AGL: variants seen among roughly 807,000 people sequenced by gnomAD.
AGL encodes the protein amylo-alpha-1,6-glucosidase and 4-alpha-glucanotransferase.
AGL carries 128 observed loss-of-function variants against 199.3 expected under a neutral mutation model. The ratio of observed to expected loss-of-function variants is 0.64; its 90% CI spans 0.56 to 0.74. AGL has a LOEUF of 0.74. Among genes scored for constraint, AGL ranks in the 30% least tolerant of loss-of-function variants. The pLI is 0.00. For missense variants in AGL, 1,809 were observed against 1,820.8 expected, an observed-to-expected ratio of 0.99 and a Z score of 0.12; for synonymous variants, 584 against 594.7, an observed-to-expected ratio of 0.98 and a Z score of 0.26.
chr1:99,906,454 CATT>C lies in AGL; in HGVS notation c.3700+3661_3700+3663del, dbSNP rs979934985. ...AGTTCAGTAGTGTTAAGTATATTAA[CATT>C]GTTGTGGAACAGATCTCTAGAACTT... On this transcript the variant is annotated intron_variant, in intron 27 of 33. Transcript: ENST00000361915. Among the ~76,000 whole-genome samples the C allele has an allele frequency of 7.9e-5, 12 of 152,126 alleles. 1 individual carries two copies. The highest frequency in any genetic ancestry group is 6.5e-5 in the Admixed American group (1 of 15,276).
At chr1:99,874,515 A>G (rs907913376) in intron 7 of AGL, 172 bp from the exon 8 acceptor site, 8 of 640,168 alleles carry the variant, frequency 1.2e-5, no homozygotes, top group African/African-American at 1.8e-5. Flanking sequence ...ACGCACGTGC[A>G]CACACGTGCA....
chr1:99,897,235 C>T (rs1310678180), intron 25 of AGL, among the ~76,000 whole-genome samples: 5 of 152,292 alleles, frequency 3.3e-5, no homozygotes, highest in Non-Finnish European at 2.9e-5. Context: ...TCACCCTCAC[C>T]TGAGAGCTTG....
rs1368670677 is a variant in AGL, at chr1:99,884,224, G to A, written c.2413G>A (p.Glu805Lys). 4.3e-6 allele frequency: 7 copies of A among 1,613,330 alleles called. No individual in the cohort carries two copies. The East Asian group carries it at 1.3e-4, about 31-fold the overall frequency. The change falls in exon 18 of 34, where the codon GAA (glutamate) becomes AAA (lysine). Residue 805 changes from glutamate to lysine, a missense_variant. Glu to Lys is a moderately conservative substitution (Grantham distance 56, BLOSUM62 1). Transcript: ENST00000361915. ...CAATGGAACACCAGATATCACAGTA[G>A]AAATTAGAGAACATATTCAGGTATT... ...SINGTPDITV[E>K]IREHIQLNES... is the part of the protein sequence containing the mutation.
intron 2 of AGL, among the ~76,000 whole-genome samples, chr1:99,855,035 T>C (rs1649301526): frequency 1.3e-5 from 2 of 151,870 alleles, no homozygotes; most frequent in South Asian, 4.2e-4. Flanking sequence ...ACCCTGTCTC[T>C]CCTAAAAATA....
chr1:99,853,409 A>G (rs931803353), intron 2 of AGL, among the ~76,000 whole-genome samples: 1 of 152,156 alleles, frequency 6.6e-6, no homozygotes, highest in Non-Finnish European at 1.5e-5. Context: ...CTGTCAGTCT[A>G]TGTGTTGCCT....
At chr1:99,860,627 C>G (rs191648641) in intron 2 of AGL, among the ~76,000 whole-genome samples, 1 of 152,070 alleles carries the variant, frequency 6.6e-6, no homozygotes, top group African/African-American at 2.4e-5. Context: ...TTAAAAATAA[C>G]CTAACTTGGG....
At chr1:99,903,844 G>A (rs1169382051) in intron 27 of AGL, among the ~76,000 whole-genome samples, 1 of 152,154 alleles carries the variant, frequency 6.6e-6, no homozygotes, top group Non-Finnish European at 1.5e-5. Flanking sequence ...GGTGTGAGAT[G>A]GTATCTCATT....
At chr1:99,860,793 G>A (rs1184463412) in intron 2 of AGL, among the ~76,000 whole-genome samples, 1 of 152,130 alleles carries the variant, frequency 6.6e-6, no homozygotes, top group Non-Finnish European at 1.5e-5. Flanking sequence ...GTTCAATGTT[G>A]TCGTGTTGGT....
intron 2 of AGL, among the ~76,000 whole-genome samples, chr1:99,853,266 C>A (rs1448053540): frequency 2.0e-5 from 3 of 152,304 alleles, no homozygotes; most frequent in Non-Finnish European, 4.4e-5. Context: ...ATCTCATTCT[C>A]CATCATTAAT....
intron 1 of AGL, 106 bp from the exon 2 acceptor site, chr1:99,850,869 T>C: frequency 1.5e-6 from 1 of 680,336 alleles, no homozygotes; most frequent in South Asian, 1.7e-5. Flanking sequence ...CTTTCATTGC[T>C]CTGCTAGGCA....
rs1650918610 is a variant in AGL, at chr1:99,870,692, A to G, written c.847-66A>G. The G allele has an allele frequency of 6.3e-6, 9 of 1,435,176 alleles. No individual in the cohort carries two copies. The South Asian group carries it at 9.4e-5, about 15-fold the overall frequency. 88.9% of individuals were successfully genotyped at this position (1,435,176 alleles called of 1,614,324 possible). On this transcript the variant is annotated intron_variant, in intron 6 of 33. Transcript: ENST00000361915. The stretch of plus-strand genomic sequence containing the variant: ...CCTGTATTTTAATATGATAAACAGT[A>G]TTTGCTTAACTGATTTTAAATAAGT...
chr1:99,875,460 T>TA lies in AGL; in HGVS notation c.1283+5_1283+6insA, dbSNP rs1651444028. On this transcript the variant is annotated splice_donor_region_variant and intron_variant, in intron 10 of 33. Transcript: ENST00000361915. ...AAAGCATCCTTTAGTTACCAGGTGTTGCATTTTTGTTTTTTTTCTTATTGA... is the reference window on the plus strand; with the variant it reads ...AAAGCATCCTTTAGTTACCAGGTGTTAGCATTTTTGTTTTTTTTCTTATTGA... The TA allele has an allele frequency of 6.2e-7, 1 of 1,613,602 alleles. No individual in the cohort carries two copies. The highest frequency in any genetic ancestry group is 1.3e-5 in the African/African-American group (1 of 74,930).
At chr1:99,877,446 T>C (rs1651639319) in intron 11 of AGL, among the ~76,000 whole-genome samples, 195 bp from the exon 12 acceptor site, 1 of 152,144 alleles carries the variant, frequency 6.6e-6, no homozygotes, top group Admixed American at 6.5e-5. Context: ...AAGCTAGAGT[T>C]TTTTCAGAAT....
intron 27 of AGL, among the ~76,000 whole-genome samples, chr1:99,907,613 T>G (rs532506502): frequency 6.6e-6 from 1 of 152,266 alleles, no homozygotes; most frequent in African/African-American, 2.4e-5. Context: ...CACCAATACT[T>G]GTTTTTTTCT....
At chr1:99,918,046 G>A (rs890630653) in intron 33 of AGL, among the ~76,000 whole-genome samples, 4 of 152,058 alleles carry the variant, frequency 2.6e-5, no homozygotes, top group Admixed American at 1.3e-4. Flanking sequence ...TCTACCCGAA[G>A]GACTTTCTCC....
rs142298070 is a variant in AGL, at chr1:99,903,123, G to A, written c.3700+329G>A. 6.2e-4 allele frequency among the ~76,000 whole-genome samples: 95 copies of A among 152,178 alleles called. 1 individual carries two copies. Among genetic ancestry groups the A allele is most frequent in the Middle Eastern group, 3.4e-3 (1 of 294 alleles). On this transcript the variant is annotated intron_variant, in intron 27 of 33. Coordinates refer to ENST00000361915, the MANE Select transcript of AGL (RefSeq NM_000642.3). Reference sequence around the variant, plus strand: ...ACACTCCCCAAAACATTGAGAATGAGTGATATTGTTTCCATTTTTTTTAAT... The same window carrying A: ...ACACTCCCCAAAACATTGAGAATGAATGATATTGTTTCCATTTTTTTTAAT...
At chr1:99,878,534 TTCTA>T (rs1045615774) in intron 12 of AGL, among the ~76,000 whole-genome samples, 39 of 152,108 alleles carry the variant, frequency 2.6e-4, no homozygotes, top group African/African-American at 9.4e-4. Flanking sequence ...TAGTATTAAC[TTCTA>T]TCTAATACAA....
intron 24 of AGL, among the ~76,000 whole-genome samples, chr1:99,893,477 A>G (rs768283326): frequency 2.0e-4 from 30 of 152,188 alleles, no homozygotes; most frequent in Non-Finnish European, 4.0e-4. Context: ...TCATGAATCC[A>G]TGCAGATGCT....
In AGL at chr1:99,876,514, A is replaced by G. The variant is rs1272333112; in HGVS notation, c.1340A>G (p.His447Arg). 3.1e-6 allele frequency: 5 copies of G among 1,612,652 alleles called. No homozygotes were observed. Among genetic ancestry groups the G allele is most frequent in the Non-Finnish European group, 4.2e-6 (5 of 1,178,788 alleles). Reference sequence around the variant, plus strand: ...TTCTCCATGGAAGAATCTATGATTCATCTGCCAAATAAAGCTTGTTTTCTG... The same window carrying G: ...TTCTCCATGGAAGAATCTATGATTCGTCTGCCAAATAAAGCTTGTTTTCTG... The part of the protein sequence containing the change: ...IDFSMEESMI[H>R]LPNKACFLMA... The change falls in exon 11 of 34, where the codon CAT (histidine) becomes CGT (arginine). Residue 447 changes from histidine (H) to arginine (R), a missense_variant. His to Arg is a conservative substitution (Grantham distance 29, BLOSUM62 0). Transcript: ENST00000361915.
Sources: gnomAD v4.1 joint callset for allele counts (sites outside exome capture counted in the v4.1 genomes callset) on GRCh38, gnomAD v4.1.1 for gene constraint, MANE v1.5 for transcripts, NCBI Gene and HGNC (gene_info 2026-07-23, HGNC 2026-07-21) for gene names.